MEGF11: variants seen among roughly 807,000 people sequenced by gnomAD.
MEGF11 encodes multiple epidermal growth factor-like domains protein 11.
A neutral mutation model predicts 146.6 loss-of-function variants in MEGF11; 126 were observed. That is an observed-to-expected ratio of 0.86 (90% confidence interval 0.74 to 1.00). MEGF11 has a LOEUF of 1.00. Ranked by LOEUF, MEGF11 falls within the 50% of genes least tolerant of loss-of-function variation. MEGF11 has a pLI of 0.00. For synonymous variants in MEGF11, 532 were observed against 583.4 expected, an observed-to-expected ratio of 0.91 and a Z score of 1.27; for missense variants, 1,509 against 1,521.2, an observed-to-expected ratio of 0.99 and a Z score of 0.13.
chr15:65,963,888 C>T (rs1161966101), intron 9 of MEGF11, among the ~76,000 whole-genome samples: 2 of 152,178 alleles, frequency 1.3e-5, no homozygotes, highest in Non-Finnish European at 2.9e-5. Flanking sequence ...AAGATCAAAG[C>T]CTGGAAATGA....
chr15:65,964,484 G>A (rs2080986023), intron 9 of MEGF11, among the ~76,000 whole-genome samples: 1 of 151,660 alleles, frequency 6.6e-6, no homozygotes, highest in Non-Finnish European at 1.5e-5. Context: ...TGGTGCCCGT[G>A]TCTCTGGTTG....
chr15:65,997,556 C>T (rs566783644), intron 5 of MEGF11, among the ~76,000 whole-genome samples: 1 of 152,222 alleles, frequency 6.6e-6, no homozygotes, highest in South Asian at 2.1e-4. Flanking sequence ...TTATTTTTTT[C>T]TTTAAAGCGC....
intron 2 of MEGF11, among the ~76,000 whole-genome samples, chr15:66,126,211 G>T (rs1218297142): frequency 1.3e-5 from 2 of 152,162 alleles, no homozygotes; most frequent in Admixed American, 6.5e-5. Flanking sequence ...AGGGACCGGG[G>T]TGTGTTTCTG....
At chr15:66,184,962 G>A (rs1042342788) in intron 1 of MEGF11, among the ~76,000 whole-genome samples, 7 of 152,058 alleles carry the variant, frequency 4.6e-5, no homozygotes, top group Non-Finnish European at 8.8e-5. Context: ...CACTCCATCT[G>A]CATGCATCTG....
intron 5 of MEGF11, among the ~76,000 whole-genome samples, chr15:66,093,819 G>A (rs1356360841): frequency 1.3e-5 from 2 of 152,116 alleles, no homozygotes; most frequent in East Asian, 3.8e-4. Context: ...CCAGCCTGGA[G>A]AGCATCCACC....
intron 8 of MEGF11, among the ~76,000 whole-genome samples, chr15:65,965,632 CTTCTA>C (rs2081065660): frequency 6.2e-5 from 3 of 48,464 alleles, no homozygotes; most frequent in Non-Finnish European, 1.2e-4. Flanking sequence ...TTTTTTGGCT[CTTCTA>C]TTCTTTTCGC....
chr15:66,158,512 C>T (rs1185507849), intron 1 of MEGF11, among the ~76,000 whole-genome samples: 1 of 152,214 alleles, frequency 6.6e-6, no homozygotes, highest in Non-Finnish European at 1.5e-5. Context: ...GCCTTAGGCA[C>T]AGACAGCCCT....
chr15:66,068,761 C>T (rs1227998205), intron 5 of MEGF11, among the ~76,000 whole-genome samples: 2 of 152,200 alleles, frequency 1.3e-5, no homozygotes, highest in African/African-American at 4.8e-5. Flanking sequence ...GGAGGTCATA[C>T]TGAAATGAGG....
chr15:65,967,378 CAT>C lies in MEGF11; in HGVS notation c.900-2260_900-2259del, dbSNP rs572418283. On this transcript the variant is annotated intron_variant, in intron 8 of 25. Coordinates refer to ENST00000395614, the MANE Select transcript of MEGF11 (RefSeq NM_001385028.1). The stretch of plus-strand genomic sequence containing the variant: ...TTTAAGGAGTTAGTGTTTTAATTAT[CAT>C]ATGTTTCCATTTTCCAGGCTTTCTG... Among the ~76,000 whole-genome samples the C allele has an allele frequency of 3.5e-3, 526 of 152,224 alleles. 1 individual carries two copies. Among genetic ancestry groups the C allele is most frequent in the African/African-American group, 0.012 (496 of 41,532 alleles).
intron 1 of MEGF11, among the ~76,000 whole-genome samples, chr15:66,218,888 G>C (rs888811302): frequency 9.0e-5 from 13 of 145,062 alleles, no homozygotes; most frequent in African/African-American, 3.4e-4. Flanking sequence ...TGAAGTGCCT[G>C]TTTACCACAC....
At chr15:66,181,135 C>T (rs12593182) in intron 1 of MEGF11, among the ~76,000 whole-genome samples, 66,610 of 152,078 alleles carry the variant, frequency 0.44, 15,013 homozygotes, top group East Asian at 0.66. Flanking sequence ...AACATATTAC[C>T]TAGGCAAAAA....
At chr15:66,063,080 T>C (rs892109840) in intron 5 of MEGF11, among the ~76,000 whole-genome samples, 9 of 152,250 alleles carry the variant, frequency 5.9e-5, no homozygotes, top group African/African-American at 2.2e-4. Context: ...CACTGAACCA[T>C]AGAGTGTTAA....
intron 1 of MEGF11, among the ~76,000 whole-genome samples, chr15:66,216,764 G>T (rs12439092): frequency 6.6e-6 from 1 of 152,140 alleles, no homozygotes; most frequent in South Asian, 2.1e-4. Flanking sequence ...GAGGAGGAGG[G>T]ATATGTTGAA....
At chr15:66,139,840 A>C (rs992125499) in intron 1 of MEGF11, among the ~76,000 whole-genome samples, 1 of 152,224 alleles carries the variant, frequency 6.6e-6, no homozygotes, top group Non-Finnish European at 1.5e-5. Context: ...GGCTTCAGAG[A>C]GGCAAGGCAG....
In MEGF11 at chr15:65,950,493, G is replaced by A. The variant is rs151078194; in HGVS notation, c.1287+7054C>T. Among the ~76,000 whole-genome samples the A allele has an allele frequency of 3.2e-3, 491 of 152,018 alleles. 2 individuals carry two copies. The highest frequency in any genetic ancestry group is 0.011 in the African/African-American group (475 of 41,442). ...CTTGGGAGGTTGAGGTGGGAGGATC[G>A]CCTGAGCCCAGAGAGGTCAAGGCTG... On this transcript the variant is annotated intron_variant, in intron 10 of 25. Coordinates refer to ENST00000395614, the MANE Select transcript of MEGF11 (RefSeq NM_001385028.1).
At chr15:66,183,415 G>A (rs950368898) in intron 1 of MEGF11, among the ~76,000 whole-genome samples, 3 of 151,938 alleles carry the variant, frequency 2.0e-5, no homozygotes, top group African/African-American at 4.8e-5. Context: ...CAAAAGAATC[G>A]CTTGAATCCA....
At chr15:66,151,922 C>T (rs1196322753) in intron 1 of MEGF11, among the ~76,000 whole-genome samples, 1 of 152,276 alleles carries the variant, frequency 6.6e-6, no homozygotes, top group Non-Finnish European at 1.5e-5. Flanking sequence ...AGCCTGAAAG[C>T]AATCATAGGC....
At chr15:66,037,709 A>C (rs1436458613) in intron 5 of MEGF11, among the ~76,000 whole-genome samples, 3 of 152,242 alleles carry the variant, frequency 2.0e-5, no homozygotes, top group Non-Finnish European at 4.4e-5. Flanking sequence ...AGCCCTCGGC[A>C]GGCAGGAGTT....
In MEGF11 at chr15:65,899,037, A is replaced by G. The variant is rs143403682; in HGVS notation, c.3056-103T>C. The G allele has an allele frequency of 1.6e-3, 1,798 of 1,126,630 alleles. 1 individual carries two copies. The highest frequency in any genetic ancestry group is 7.4e-3 in the Middle Eastern group (27 of 3,652). 69.8% of individuals were successfully genotyped at this position (1,126,630 alleles called of 1,614,324 possible). A position where few individuals can be genotyped will look rare whatever the true frequency, so the allele number is the denominator to read the frequency against. ...AGTTTATGTGCCTTCAGGATCTTAG[A>G]GCTGGAAAAGCCAGGATAATCCAAG... On this transcript the variant is annotated intron_variant, in intron 24 of 25. Transcript: ENST00000395614.
Sources: allele counts gnomAD v4.1 joint callset (sites outside exome capture counted in the v4.1 genomes callset), GRCh38; gene constraint gnomAD v4.1.1; transcripts MANE v1.5; gene names NCBI Gene and HGNC (gene_info 2026-07-23, HGNC 2026-07-21).